The following TADA1 variants were observed in gnomAD, a reference collection of about 807,000 sequenced individuals.
The protein encoded by TADA1 is transcriptional adaptor 1.
Under a neutral mutation model 39.3 loss-of-function variants are expected in TADA1, and 23 were observed. The ratio of observed to expected loss-of-function variants is 0.58; its 90% confidence interval spans 0.42 to 0.83. TADA1 has a LOEUF of 0.83. Among genes scored for constraint, TADA1 ranks in the 40% least tolerant of loss-of-function variants. The pLI, the probability that TADA1 is intolerant of heterozygous loss-of-function variation, is 0.00. For missense variants in TADA1, 352 were observed against 408.1 expected (o/e 0.86, Z 1.18); for synonymous variants, 137 against 151.8 (o/e 0.90, Z 0.72).
intron 5 of TADA1, among the ~76,000 whole-genome samples, chr1:166,861,015 A>C (rs1290032391): frequency 1.3e-5 from 2 of 152,220 alleles, no homozygotes; most frequent in African/African-American, 4.8e-5. Flanking sequence ...TAGGACAAAA[A>C]GTTTTAAGAT....
intron 1 of TADA1, among the ~76,000 whole-genome samples, chr1:166,870,092 C>G (rs1182379989): frequency 1.3e-5 from 2 of 152,132 alleles, no homozygotes; most frequent in Non-Finnish European, 2.9e-5. Context: ...CATACATGCT[C>G]CAACTCCGAG....
chr1:166,863,953 AAAT>A, intron 3 of TADA1, 32 bp from the exon 4 acceptor site: 1 of 1,542,968 alleles, frequency 6.5e-7, no homozygotes, highest in Non-Finnish European at 8.8e-7. Flanking sequence ...CCATAAGTAA[AAAT>A]AATGACAACT....
chr1:166,858,124 A>G lies in TADA1; in HGVS notation c.850T>C (p.Leu284=), dbSNP rs1275688240. ...PVNMYDLFEA[L]QVHREVIPTH... ...TTTAAGGAGCCAAGACTTACCTGCA[A>G]AGCTTCAAAAAGATCGTACATGTTC... The change falls in exon 7 of 8, where the codon TTG becomes CTG. Residue 284 remains leucine (L), a synonymous_variant. Transcript: ENST00000367874. 7 of 1,614,096 alleles carry G rather than the reference A, an allele frequency of 4.3e-6. No individual in the cohort carries two copies. The highest frequency in any genetic ancestry group is 5.9e-6 in the Non-Finnish European group (7 of 1,180,038).
In TADA1 at chr1:166,864,039, T is replaced by C. The variant is rs531583321; in HGVS notation, c.233-118A>G. 2.7e-5 allele frequency: 19 copies of C among 713,000 alleles called. No individual in the cohort carries two copies. The African/African-American group carries it at 2.8e-4, about 11-fold the overall frequency. 44.2% of individuals were successfully genotyped at this position (713,000 alleles called of 1,614,324 possible). A position where few individuals can be genotyped will look rare whatever the true frequency, so the allele number is the denominator to read the frequency against. ...TCATGAAATGCAAATAACTAATGAATGCTTAAATCAAAACCTTCTCTTTCT... is the reference window on the plus strand; with the variant it reads ...TCATGAAATGCAAATAACTAATGAACGCTTAAATCAAAACCTTCTCTTTCT... On this transcript the variant is annotated intron_variant, in intron 3 of 7. Transcript: ENST00000367874.
chr1:166,874,162 G>A (rs986394477), intron 1 of TADA1, among the ~76,000 whole-genome samples: 2 of 151,672 alleles, frequency 1.3e-5, no homozygotes, highest in Non-Finnish European at 2.9e-5. Context: ...CCAAGATGGT[G>A]AAACCCCATC....
chr1:166,860,905 G>C (rs191687694), intron 5 of TADA1, among the ~76,000 whole-genome samples: 446 of 152,252 alleles, frequency 2.9e-3, no homozygotes, highest in Non-Finnish European at 5.2e-3. Flanking sequence ...CTGACCTCAG[G>C]TGACCCGCCC....
At chr1:166,867,864 G>A (rs1658571103) in intron 3 of TADA1, among the ~76,000 whole-genome samples, 1 of 152,198 alleles carries the variant, frequency 6.6e-6, no homozygotes, top group South Asian at 2.1e-4. Flanking sequence ...ACAGGCGTGA[G>A]CCACCACGCC....
intron 1 of TADA1, among the ~76,000 whole-genome samples, chr1:166,875,832 G>C (rs1218285065): frequency 6.6e-6 from 1 of 152,336 alleles, no homozygotes; most frequent in South Asian, 2.1e-4. Context: ...TCAGCCTCCC[G>C]CATCCCGCAC....
intron 3 of TADA1, among the ~76,000 whole-genome samples, chr1:166,865,334 G>A (rs1405990245): frequency 6.6e-6 from 1 of 152,086 alleles, no homozygotes; most frequent in Non-Finnish European, 1.5e-5. Context: ...AACTATGAGG[G>A]CTAAAGAGGT....
intron 3 of TADA1, among the ~76,000 whole-genome samples, chr1:166,865,929 T>C (rs1479683423): frequency 8.1e-6 from 1 of 123,664 alleles, no homozygotes; most frequent in Admixed American, 7.6e-5. Flanking sequence ...TTTTTAACGC[T>C]TTGAAAAAAA....
chr1:166,867,002 C>T (rs528757158), intron 3 of TADA1, among the ~76,000 whole-genome samples: 26 of 152,282 alleles, frequency 1.7e-4, no homozygotes, highest in African/African-American at 6.3e-4. Context: ...ACCTTGGCCT[C>T]CCAAAGCGCT....
At chr1:166,869,710 A>AG in intron 2 of TADA1, 53 bp downstream of exon 2, 1 of 1,570,296 alleles carries the variant, frequency 6.4e-7, no homozygotes, top group Non-Finnish European at 8.7e-7. Flanking sequence ...ACTTTACTAC[A>AG]AATCTAGGAA....
In TADA1 at chr1:166,876,213, C is replaced by T. The variant is rs755483678; in HGVS notation, c.21G>A (p.Glu7=). 7 of 1,613,714 alleles carry T rather than the reference C, an allele frequency of 4.3e-6. No individual in the cohort carries two copies. The South Asian group carries it at 5.5e-5, about 13-fold the overall frequency. MATFVS[E]LEAAKKNLSE... ...TTAAGTTCTTCTTGGCCGCCTCCAG[C>T]TCGCTCACAAAGGTCGCCATTGCTC... is the stretch of plus-strand genomic sequence containing the variant. The change falls in exon 1 of 8, where the codon GAG becomes GAA. Residue 7 remains glutamate (E), a synonymous_variant. Transcript: ENST00000367874.
intron 6 of TADA1, among the ~76,000 whole-genome samples, chr1:166,859,866 G>A (rs1273230021): frequency 6.6e-6 from 1 of 151,386 alleles, no homozygotes; most frequent in African/African-American, 2.4e-5. Flanking sequence ...TTCCCCACTG[G>A]GCAGGTGATG....
chr1:166,863,336 G>C (rs919929516), intron 4 of TADA1: 2 of 157,688 alleles, frequency 1.3e-5, no homozygotes, highest in Non-Finnish European at 2.8e-5. Context: ...GGGTTACTTC[G>C]GGGAAGTTTT....
intron 1 of TADA1, among the ~76,000 whole-genome samples, chr1:166,870,166 G>A (rs2101795144): frequency 6.6e-6 from 1 of 152,294 alleles, no homozygotes; most frequent in African/African-American, 2.4e-5. Context: ...AAAGTCCTGT[G>A]TTAAAGCCTT....
chr1:166,870,675 A>G (rs1422138219), intron 1 of TADA1, among the ~76,000 whole-genome samples: 5 of 152,156 alleles, frequency 3.3e-5, no homozygotes, highest in African/African-American at 1.2e-4. Flanking sequence ...CAAAAAATAC[A>G]AAACTTAGCT....
chr1:166,870,495 C>A (rs1658632388), intron 1 of TADA1, among the ~76,000 whole-genome samples: 1 of 152,140 alleles, frequency 6.6e-6, no homozygotes, highest in South Asian at 2.1e-4. Context: ...ACTAATACAC[C>A]TAGGAATCAG....
intron 5 of TADA1, 131 bp from the exon 6 acceptor site, chr1:166,860,468 A>C: frequency 1.2e-6 from 1 of 848,186 alleles, no homozygotes; most frequent in Non-Finnish European, 1.7e-6. Flanking sequence ...GCTAGAACCA[A>C]ATGAATGTTC....
Sources: gnomAD v4.1 joint callset for allele counts (sites outside exome capture counted in the v4.1 genomes callset) on GRCh38, gnomAD v4.1.1 for gene constraint, MANE v1.5 for transcripts, NCBI Gene and HGNC (gene_info 2026-07-23, HGNC 2026-07-21) for gene names.